FANCC: variants seen among roughly 807,000 people sequenced by gnomAD.
FANCC encodes the protein FA complementation group C.
Under a neutral mutation model 71.3 loss-of-function variants are expected in FANCC, and 55 were observed. The ratio of observed to expected loss-of-function variants is 0.77; its 90% CI spans 0.62 to 0.97. FANCC has a LOEUF of 0.97. Among genes scored for constraint, FANCC ranks in the 50% least tolerant of loss-of-function variants. The pLI is 0.00. For synonymous variants in FANCC, 275 were observed against 244.9 expected (o/e 1.12, Z -1.15); for missense variants, 678 against 670.9 (o/e 1.01, Z -0.12).
chr9:95,243,663 G>A (rs574166053), intron 3 of FANCC, among the ~76,000 whole-genome samples: 6 of 152,036 alleles, frequency 3.9e-5, no homozygotes, highest in African/African-American at 7.2e-5. Flanking sequence ...GCGTGGTAGC[G>A]GGCGCCTGTA....
chr9:95,121,938 A>G (rs2072917849), intron 10 of FANCC, among the ~76,000 whole-genome samples: 1 of 151,688 alleles, frequency 6.6e-6, no homozygotes, highest in Non-Finnish European at 1.5e-5. Flanking sequence ...GCTCACTGCA[A>G]GCTCCGCCTC....
intron 6 of FANCC, among the ~76,000 whole-genome samples, chr9:95,164,325 T>C (rs543916423): frequency 1.3e-5 from 2 of 152,326 alleles, no homozygotes; most frequent in South Asian, 2.1e-4. Context: ...TCTGATACTA[T>C]ATTAAATACA....
chr9:95,288,417 T>C (rs1471905337), intron 1 of FANCC, among the ~76,000 whole-genome samples: 1 of 152,088 alleles, frequency 6.6e-6, no homozygotes, highest in Non-Finnish European at 1.5e-5. Context: ...TGAAAACCGC[T>C]AGGCTATTCT....
Position 95,135,366 on chromosome 9 carries a change from A to G in FANCC, c.823T>C (p.Phe275Leu), listed in dbSNP as rs745621828. The G allele has an allele frequency of 1.7e-5, 27 of 1,614,004 alleles. No homozygotes were observed. The highest frequency in any genetic ancestry group is 5.0e-5 in the Admixed American group (3 of 60,006). Residue 275 changes from phenylalanine to leucine, a missense_variant, in exon 8 of 15, where the codon TTT (phenylalanine) becomes CTT (leucine). Physicochemically the swap from Phe to Leu is conservative, Grantham distance 22. Coordinates refer to ENST00000289081, the MANE Select transcript of FANCC (RefSeq NM_000136.3). ...ERNCLRRIEC[F>L]IKDSSLPQAA... Reference sequence around the variant, plus strand: ...CGTACCAGCGATGAATCTTTTATAAAGCATTCGATCCTTCTCAGACAATTT... The same window carrying G: ...CGTACCAGCGATGAATCTTTTATAAGGCATTCGATCCTTCTCAGACAATTT...
intron 4 of FANCC, among the ~76,000 whole-genome samples, chr9:95,184,928 C>G (rs1231403272): frequency 2.0e-5 from 3 of 152,218 alleles, no homozygotes; most frequent in African/African-American, 4.8e-5. Context: ...TCACACTATC[C>G]TATTCTGTGC....
At chr9:95,294,103 G>A in intron 1 of FANCC, 1 of 1,610,574 alleles carries the variant, frequency 6.2e-7, no homozygotes. Flanking sequence ...CCAAACCATA[G>A]ATTTATTAAG....
chr9:95,314,899 T>C (rs2136440514), intron 1 of FANCC, among the ~76,000 whole-genome samples: 1 of 152,118 alleles, frequency 6.6e-6, no homozygotes, highest in African/African-American at 2.4e-5. Context: ...CAAAATTAAA[T>C]GCAATTCCTA....
intron 3 of FANCC, among the ~76,000 whole-genome samples, chr9:95,246,481 G>A (rs566528085): frequency 6.6e-6 from 1 of 152,296 alleles, no homozygotes; most frequent in South Asian, 2.1e-4. Context: ...TATGCAATTA[G>A]TCTTTGACTT....
At chr9:95,269,439 A>G (rs1208697845) in intron 1 of FANCC, among the ~76,000 whole-genome samples, 1 of 152,244 alleles carries the variant, frequency 6.6e-6, no homozygotes, top group African/African-American at 2.4e-5. Context: ...GAGGTTCTAA[A>G]CCAGCAAAGC....
At chr9:95,287,720 T>A (rs1252873926) in intron 1 of FANCC, among the ~76,000 whole-genome samples, 4 of 152,230 alleles carry the variant, frequency 2.6e-5, no homozygotes, top group South Asian at 2.1e-4. Context: ...ATTACATAAT[T>A]TCCCAAGTGG....
At chr9:95,153,095 G>A (rs975472017) in intron 6 of FANCC, among the ~76,000 whole-genome samples, 22 of 152,186 alleles carry the variant, frequency 1.4e-4, no homozygotes, top group Non-Finnish European at 1.0e-4. Flanking sequence ...CCACTAATAA[G>A]TGAGAACATA....
In FANCC at chr9:95,101,193, G is replaced by A. The variant is rs1289590175; in HGVS notation, c.*514C>T. ...GCAGGTCCAGGGAGACACAAGGGAA[G>A]CCTGAGGGACCCTGACTCCCCTTGA... On this transcript the variant is annotated 3_prime_UTR_variant, in exon 15 of 15. Transcript: ENST00000289081. 1 of 254,804 alleles carries A rather than the reference G, an allele frequency of 3.9e-6. No homozygotes were observed. The highest frequency in any genetic ancestry group is 5.4e-5 in the East Asian group (1 of 18,380). The allele number at this position is 254,804 out of a possible 1,614,324, so 15.8% of individuals were successfully genotyped here.
At chr9:95,272,381 G>C (rs186169339) in intron 1 of FANCC, among the ~76,000 whole-genome samples, 2 of 152,088 alleles carry the variant, frequency 1.3e-5, no homozygotes, top group Non-Finnish European at 2.9e-5. Flanking sequence ...GAAAGTATTT[G>C]GACATCTTAG....
At chr9:95,213,385 A>G (rs1828630417) in intron 4 of FANCC, among the ~76,000 whole-genome samples, 1 of 152,176 alleles carries the variant, frequency 6.6e-6, no homozygotes, top group African/African-American at 2.4e-5. Context: ...GAAGGCTCAC[A>G]CTTCCTGATT....
At chr9:95,150,550 G>A (rs1260904100) in intron 6 of FANCC, among the ~76,000 whole-genome samples, 1 of 152,066 alleles carries the variant, frequency 6.6e-6, no homozygotes, top group East Asian at 1.9e-4. Context: ...CTCTAGCCTG[G>A]GTGACAGAGT....
At chr9:95,263,025 T>C (rs1021040380) in intron 1 of FANCC, among the ~76,000 whole-genome samples, 2 of 152,206 alleles carry the variant, frequency 1.3e-5, no homozygotes, top group Non-Finnish European at 2.9e-5. Flanking sequence ...ATGGCGGCAA[T>C]GGTTAAACAA....
intron 4 of FANCC, among the ~76,000 whole-genome samples, chr9:95,226,753 C>T (rs1829644650): frequency 6.6e-6 from 1 of 152,170 alleles, no homozygotes; most frequent in Non-Finnish European, 1.5e-5. Flanking sequence ...ACCCACTCCC[C>T]AGGAGGGCAA....
At chr9:95,220,768 A>T (rs1401112521) in intron 4 of FANCC, among the ~76,000 whole-genome samples, 1 of 152,080 alleles carries the variant, frequency 6.6e-6, no homozygotes, top group African/African-American at 2.4e-5. Flanking sequence ...ACCTAATGTA[A>T]ATGACGAGTT....
chr9:95,126,153 T>C (rs1193874833), intron 9 of FANCC, among the ~76,000 whole-genome samples: 1 of 152,246 alleles, frequency 6.6e-6, no homozygotes, highest in East Asian at 1.9e-4. Context: ...TCTTTAGCTT[T>C]AAAGTCTTTT....
Sources: allele counts gnomAD v4.1 joint callset (sites outside exome capture counted in the v4.1 genomes callset), GRCh38; gene constraint gnomAD v4.1.1; transcripts MANE v1.5; gene names NCBI Gene and HGNC (gene_info 2026-07-23, HGNC 2026-07-21).